The following EPHB2 variants were observed in gnomAD, a reference collection of about 807,000 sequenced individuals.
The protein encoded by EPHB2 is EPH receptor B2.
A neutral mutation model predicts 96.4 loss-of-function variants in EPHB2; 18 were observed. The observed-to-expected ratio is 0.19, with a 90% CI of 0.13 to 0.28. The LOEUF is 0.28. Ranked by LOEUF, EPHB2 falls within the 10% of genes least tolerant of loss-of-function variation. The pLI, the probability that EPHB2 is intolerant of heterozygous loss-of-function variation, is 1.00. For synonymous variants in EPHB2, 506 were observed against 534.1 expected (o/e 0.95, Z 0.72); for missense variants, 989 against 1,355.4 (o/e 0.73, Z 4.25).
At chr1:22,744,953 G>A (rs568831532) in intron 1 of EPHB2, among the ~76,000 whole-genome samples, 13 of 152,308 alleles carry the variant, frequency 8.5e-5, no homozygotes, top group Admixed American at 3.3e-4. Flanking sequence ...CATCCTCCTC[G>A]TCTTCACGTT....
chr1:22,889,241 A>C (rs180795198), intron 6 of EPHB2, among the ~76,000 whole-genome samples: 1 of 152,310 alleles, frequency 6.6e-6, no homozygotes, highest in Admixed American at 6.5e-5. Context: ...GGAGCTGCTC[A>C]GGTTGGTTCC....
chr1:22,712,951 T>C (rs1311395813), intron 1 of EPHB2, among the ~76,000 whole-genome samples: 2 of 152,040 alleles, frequency 1.3e-5, no homozygotes, highest in Non-Finnish European at 2.9e-5. Context: ...CCTGGGTGTG[T>C]TTTTAATTAC....
intron 1 of EPHB2, among the ~76,000 whole-genome samples, chr1:22,776,264 A>T (rs1299795530): frequency 6.6e-6 from 1 of 152,002 alleles, no homozygotes; most frequent in Non-Finnish European, 1.5e-5. Flanking sequence ...CCCACTCCAC[A>T]TCAGTCACTC....
chr1:22,878,010 A>G (rs1570426763), intron 5 of EPHB2, among the ~76,000 whole-genome samples: 4 of 152,266 alleles, frequency 2.6e-5, no homozygotes, highest in East Asian at 3.8e-4. Flanking sequence ...CTAGAGAGAT[A>G]CATTCTACAA....
intron 3 of EPHB2, among the ~76,000 whole-genome samples, chr1:22,812,842 T>G (rs999561899): frequency 1.3e-5 from 2 of 152,098 alleles, no homozygotes; most frequent in Non-Finnish European, 2.9e-5. Context: ...AGGAGTTTGA[T>G]GAGTGTTGGT....
At chr1:22,880,960 G>T (rs184342181) in intron 5 of EPHB2, among the ~76,000 whole-genome samples, 1 of 152,154 alleles carries the variant, frequency 6.6e-6, no homozygotes, top group Non-Finnish European at 1.5e-5. Context: ...CAGTTTCCAC[G>T]ACTGCAAAAT....
In EPHB2 at chr1:22,858,762, G is replaced by A. The variant is rs1248116315; in HGVS notation, c.812-4275G>A. 6.6e-6 allele frequency among the ~76,000 whole-genome samples: 1 copy of A among 152,148 alleles called. No homozygotes were observed. Among genetic ancestry groups the A allele is most frequent in the Non-Finnish European group, 1.5e-5 (1 of 68,020 alleles). ...CACCCCACAGTCACACAGTAGACTT[G>A]GGATCAGAATTGGCCTCTGCTACTG... On this transcript the variant is annotated intron_variant, in intron 3 of 15. Transcript: ENST00000374630. The surrounding 1 kb of genome is among the most constrained non-coding windows in gnomAD (Gnocchi z 7.7).
At chr1:22,871,789 G>A (rs570933475) in intron 5 of EPHB2, among the ~76,000 whole-genome samples, 268 of 152,198 alleles carry the variant, frequency 1.8e-3, no homozygotes, top group Non-Finnish European at 1.9e-3. Flanking sequence ...AGGCTGAGGC[G>A]GGTGGATCAC....
chr1:22,915,813 G>A lies in EPHB2; in HGVS notation c.*2243G>A, dbSNP rs1640250887. ...GGAGATGGATGTGCCATGGATATCG[G>A]GTCTGGCTGAGGAAGGGGAGCCAAG... On this transcript the variant is annotated 3_prime_UTR_variant, in exon 16 of 16. Coordinates refer to ENST00000374630, the MANE Select transcript of EPHB2 (RefSeq NM_017449.5). 6.6e-6 allele frequency: 1 copy of A among 152,350 alleles called. No individual in the cohort carries two copies. Among genetic ancestry groups the A allele is most frequent in the African/African-American group, 2.4e-5 (1 of 41,448 alleles). 9.4% of individuals were successfully genotyped at this position (152,350 alleles called of 1,614,324 possible). A position where few individuals can be genotyped will look rare whatever the true frequency, so the allele number is the denominator to read the frequency against.
chr1:22,759,287 A>G (rs1055933447), intron 1 of EPHB2, among the ~76,000 whole-genome samples: 2 of 152,134 alleles, frequency 1.3e-5, no homozygotes, highest in Non-Finnish European at 2.9e-5. Context: ...AAATGGGGAC[A>G]CTGAGGCTCA....
intron 1 of EPHB2, among the ~76,000 whole-genome samples, chr1:22,727,797 A>AC (rs1491478356): frequency 0.017 from 1,039 of 61,856 alleles, 10 homozygotes; most frequent in African/African-American, 0.048. Context: ...AAAAAAAAAC[A>AC]AAAAAAAAAA....
At chr1:22,782,885 G>A (rs1412287544) in intron 2 of EPHB2, among the ~76,000 whole-genome samples, 1 of 152,110 alleles carries the variant, frequency 6.6e-6, no homozygotes, top group Non-Finnish European at 1.5e-5. Context: ...ACCCTTCATC[G>A]CACCTGACCC....
intron 3 of EPHB2, among the ~76,000 whole-genome samples, chr1:22,810,122 A>G (rs1052478328): frequency 2.0e-5 from 3 of 152,116 alleles, no homozygotes; most frequent in Admixed American, 6.5e-5. Flanking sequence ...GGTGTTTGGT[A>G]AGATCGGTGG....
At chr1:22,874,102 G>A (rs772603248) in intron 5 of EPHB2, among the ~76,000 whole-genome samples, 6 of 152,080 alleles carry the variant, frequency 3.9e-5, no homozygotes, top group Non-Finnish European at 8.8e-5. Context: ...CACCTTCACC[G>A]CCACCACTAT....
intron 3 of EPHB2, among the ~76,000 whole-genome samples, chr1:22,792,772 C>T (rs1644712659): frequency 6.6e-6 from 1 of 152,196 alleles, no homozygotes; most frequent in South Asian, 2.1e-4. Flanking sequence ...ATGACCCCTG[C>T]CCCCAAGGCC....
chr1:22,752,591 A>AAAAAGC (rs1266650575), intron 1 of EPHB2, among the ~76,000 whole-genome samples: 4 of 151,184 alleles, frequency 2.6e-5, no homozygotes, highest in Non-Finnish European at 5.9e-5. Flanking sequence ...CAGGACATAC[A>AAAAAGC]AGGGAATTAA....
At position 22,917,922 on chromosome 1, in the gene EPHB2, C is replaced by G. The variant is rs1640309588; in HGVS notation, c.*4352C>G. The G allele has an allele frequency of 6.6e-6, 1 of 152,200 alleles. No homozygotes were observed. The highest frequency in any genetic ancestry group is 1.5e-5 in the Non-Finnish European group (1 of 68,082). The allele number at this position is 152,200 out of a possible 1,614,324, so 9.4% of individuals were successfully genotyped here. A position where few individuals can be genotyped will look rare whatever the true frequency, so the allele number is the denominator to read the frequency against. ...GGTCAAAAGAAAGGTCACTCCAAGA[C>G]GCAGCTGCCAGAATGGTCCAACACA... On this transcript the variant is annotated 3_prime_UTR_variant, in exon 16 of 16. Coordinates refer to ENST00000374630, the MANE Select transcript of EPHB2 (RefSeq NM_017449.5).
chr1:22,881,677 T>C (rs177927), intron 5 of EPHB2, among the ~76,000 whole-genome samples: 38,594 of 152,112 alleles, frequency 0.25, 7,898 homozygotes, highest in East Asian at 0.62. Context: ...TCACAGAAAC[T>C]TCTGCCTCCC....
intron 3 of EPHB2, among the ~76,000 whole-genome samples, chr1:22,830,351 A>T (rs1645287255): frequency 6.6e-6 from 1 of 152,152 alleles, no homozygotes; most frequent in Non-Finnish European, 1.5e-5. Context: ...TGCTCAGAGG[A>T]GGAGGCCATG....
Sources: allele counts gnomAD v4.1 joint callset (sites outside exome capture counted in the v4.1 genomes callset), GRCh38; gene constraint gnomAD v4.1.1; non-coding constraint Gnocchi (gnomAD v3.1); transcripts MANE v1.5; gene names NCBI Gene and HGNC (gene_info 2026-07-23, HGNC 2026-07-21).